Variants in CDH9 observed in about 807,000 individuals in gnomAD.
The protein encoded by CDH9 is cadherin-9.
CDH9 carries 28 observed loss-of-function variants against 70.9 expected under a neutral mutation model. The observed-to-expected ratio is 0.40, with a 90% CI of 0.29 to 0.54. The LOEUF (loss-of-function observed/expected upper bound fraction) is 0.54, where lower values mean the gene tolerates loss of function less well. CDH9 is among the 20% of genes least tolerant of loss of function. CDH9 has a pLI of 0.59. For missense variants in CDH9, 874 were observed against 984.4 expected (o/e 0.89, Z 1.50); for synonymous variants, 409 against 343.1 (o/e 1.19, Z -2.12).
At chr5:26,895,345 T>A (rs1242497293) in intron 7 of CDH9, among the ~76,000 whole-genome samples, 1 of 152,044 alleles carries the variant, frequency 6.6e-6, no homozygotes, top group Non-Finnish European at 1.5e-5. Context: ...TATTGTTAGA[T>A]TATTATTATT....
chr5:26,954,388 C>CTTTTTCT (rs1554000195), intron 2 of CDH9, among the ~76,000 whole-genome samples: 1 of 93,066 alleles, frequency 1.1e-5, no homozygotes, highest in African/African-American at 4.7e-5. Flanking sequence ...TACAGCCTTT[C>CTTTTTCT]TTTTTTTTTT....
intron 2 of CDH9, among the ~76,000 whole-genome samples, chr5:26,939,608 C>G (rs923516903): frequency 1.3e-5 from 2 of 151,738 alleles, no homozygotes; most frequent in African/African-American, 4.8e-5. Flanking sequence ...TCAAAAAATG[C>G]GGCAAGCAAA....
chr5:27,004,110 GAAAA>G (rs59593576), intron 1 of CDH9, among the ~76,000 whole-genome samples: 10 of 106,604 alleles, frequency 9.4e-5, no homozygotes, highest in Admixed American at 1.1e-4. Flanking sequence ...ATGCCTCTCT[GAAAA>G]AAAAAAAAAA....
At position 26,963,114 on chromosome 5, in the gene CDH9, A is replaced by G. The variant is rs180973292; in HGVS notation, c.228+24992T>C. ...TGATGCAGATAAATACTGAGTTATTATTAATCAGAACTTATTAAATCGCAT... is the reference window on the plus strand; with the variant it reads ...TGATGCAGATAAATACTGAGTTATTGTTAATCAGAACTTATTAAATCGCAT... On this transcript the variant is annotated intron_variant, in intron 2 of 11. Transcript: ENST00000231021. Among the ~76,000 whole-genome samples the G allele has an allele frequency of 5.8e-4, 88 of 152,356 alleles. 1 individual carries two copies. In the East Asian group the frequency reaches 0.016, roughly 28 times the overall value.
intron 1 of CDH9, among the ~76,000 whole-genome samples, chr5:26,993,444 A>G (rs1244918676): frequency 6.6e-6 from 1 of 152,148 alleles, no homozygotes; most frequent in Non-Finnish European, 1.5e-5. Flanking sequence ...GAATAAAACA[A>G]AGTTTAAAGA....
intron 1 of CDH9, among the ~76,000 whole-genome samples, chr5:26,991,762 T>A (rs536108792): frequency 4.8e-4 from 73 of 152,278 alleles, no homozygotes; most frequent in Non-Finnish European, 8.4e-4. Flanking sequence ...TCTAGATTAT[T>A]TATGAACTAG....
At chr5:26,914,432 A>G (rs1398837599) in intron 3 of CDH9, among the ~76,000 whole-genome samples, 2 of 152,012 alleles carry the variant, frequency 1.3e-5, no homozygotes, top group Non-Finnish European at 2.9e-5. Flanking sequence ...ATACTAAAAA[A>G]TATAACAGGG....
chr5:26,966,592 A>T (rs1016150516), intron 2 of CDH9, among the ~76,000 whole-genome samples: 3 of 152,090 alleles, frequency 2.0e-5, no homozygotes, highest in Non-Finnish European at 4.4e-5. Context: ...TTCTTCTAAT[A>T]CTCCTTAGAG....
At chr5:26,963,697 A>G (rs1390350745) in intron 2 of CDH9, among the ~76,000 whole-genome samples, 1 of 152,132 alleles carries the variant, frequency 6.6e-6, no homozygotes, top group East Asian at 1.9e-4. Context: ...ATCTGCGAAC[A>G]TTAGTGCACA....
intron 9 of CDH9, 129 bp from the exon 10 acceptor site, chr5:26,886,212 G>T (rs2111968195): frequency 2.7e-6 from 3 of 1,101,204 alleles, no homozygotes; most frequent in South Asian, 4.1e-5. Flanking sequence ...CAAAATAAAT[G>T]CCATTTTCAG....
chr5:26,951,823 G>T (rs1021651209), intron 2 of CDH9, among the ~76,000 whole-genome samples: 12 of 152,060 alleles, frequency 7.9e-5, no homozygotes, highest in Admixed American at 5.9e-4. Flanking sequence ...TTTAATCAGA[G>T]ATATCCTCAG....
At chr5:26,909,767 CATT>C (rs1741016492) in intron 3 of CDH9, among the ~76,000 whole-genome samples, 1 of 151,496 alleles carries the variant, frequency 6.6e-6, no homozygotes, top group African/African-American at 2.4e-5. Flanking sequence ...ATTCTTAACT[CATT>C]ATTTACTTAA....
At chr5:26,979,160 C>T (rs1742355235) in intron 2 of CDH9, among the ~76,000 whole-genome samples, 1 of 151,292 alleles carries the variant, frequency 6.6e-6, no homozygotes, top group African/African-American at 2.4e-5. Flanking sequence ...TAATAATAAA[C>T]ATTAACAATG....
intron 2 of CDH9, among the ~76,000 whole-genome samples, chr5:26,943,524 A>T (rs1466371434): frequency 2.6e-5 from 4 of 152,014 alleles, no homozygotes; most frequent in African/African-American, 7.3e-5. Flanking sequence ...AAAAAAAAAA[A>T]AAAAGCTAAC....
Position 26,906,802 on chromosome 5 carries a change from T to C in CDH9, c.560A>G (p.Asp187Gly). The change falls in exon 4 of 12, where the codon GAT becomes GGT. Residue 187 changes from aspartate (D) to glycine (G), a missense_variant. Transcript: ENST00000231021. ...GGCACTATTTCCATAGTTGGCGTCA[T>C]CTGCATCTGTTGCAGTTACTTGTAT... ...SVIQVTATDA[D>G]DANYGNSAKV... 2 of 1,613,270 alleles carry C rather than the reference T, an allele frequency of 1.2e-6. No individual in the cohort carries two copies. Among genetic ancestry groups the C allele is most frequent in the Non-Finnish European group, 1.7e-6 (2 of 1,179,514 alleles).
At chr5:26,955,125 C>T (rs1213034035) in intron 2 of CDH9, among the ~76,000 whole-genome samples, 1 of 152,204 alleles carries the variant, frequency 6.6e-6, no homozygotes, top group Non-Finnish European at 1.5e-5. Flanking sequence ...CAAGAATCTC[C>T]ATATACTATT....
chr5:26,906,509 C>T (rs1189491734), intron 4 of CDH9, among the ~76,000 whole-genome samples: 1 of 151,574 alleles, frequency 6.6e-6, no homozygotes, highest in Non-Finnish European at 1.5e-5. Context: ...AATTTAAACC[C>T]AATGAATAAT....
intron 1 of CDH9, among the ~76,000 whole-genome samples, chr5:27,012,479 ATGTT>A (rs2112116534): frequency 6.6e-6 from 1 of 152,110 alleles, no homozygotes; most frequent in East Asian, 1.9e-4. Context: ...TGTAAAATAA[ATGTT>A]ATCAGCTCAA....
intron 2 of CDH9, among the ~76,000 whole-genome samples, chr5:26,937,948 A>G (rs1165243259): frequency 6.6e-6 from 1 of 152,122 alleles, no homozygotes; most frequent in Non-Finnish European, 1.5e-5. Flanking sequence ...CCCAACACAC[A>G]CAAAAATGAA....
Sources: gnomAD v4.1 joint callset for allele counts (sites outside exome capture counted in the v4.1 genomes callset) on GRCh38, gnomAD v4.1.1 for gene constraint, MANE v1.5 for transcripts, NCBI Gene and HGNC (gene_info 2026-07-23, HGNC 2026-07-21) for gene names.